ARFGEF3: variants seen among roughly 807,000 people sequenced by gnomAD.
ARFGEF3 encodes brefeldin A-inhibited guanine nucleotide-exchange protein 3.
A neutral mutation model predicts 221.7 loss-of-function variants in ARFGEF3; 96 were observed. The observed-to-expected ratio is 0.43, with a 90% confidence interval of 0.37 to 0.51. ARFGEF3 has a LOEUF of 0.51. Among genes scored for constraint, ARFGEF3 ranks in the 20% least tolerant of loss-of-function variants. The pLI, the probability that ARFGEF3 is intolerant of heterozygous loss-of-function variation, is 0.00. For missense variants in ARFGEF3, 2,410 were observed against 2,789.9 expected (o/e 0.86, Z 3.07); for synonymous variants, 1,145 against 1,126.8 (o/e 1.02, Z -0.32).
chr6:138,192,850 T>C (rs1777334633), intron 2 of ARFGEF3, among the ~76,000 whole-genome samples: 1 of 152,216 alleles, frequency 6.6e-6, no homozygotes, highest in African/African-American at 2.4e-5. Flanking sequence ...GGTGAAATGC[T>C]TAGCACACAG....
In ARFGEF3 at chr6:138,340,343, A is replaced by G. The variant is rs1780407563; in HGVS notation, c.*3857A>G. The G allele has an allele frequency of 6.6e-6, 1 of 152,258 alleles. No homozygotes were observed. The highest frequency in any genetic ancestry group is 6.5e-5 in the Admixed American group (1 of 15,286). The allele number at this position is 152,258 out of a possible 1,614,324, so 9.4% of individuals were successfully genotyped here. A position where few individuals can be genotyped will look rare whatever the true frequency, so the allele number is the denominator to read the frequency against. ...TTAGGCTTTTTGTCCTTGTTGTTTT[A>G]AAATGAGGCTTATACAGAGTGAGTT... On this transcript the variant is annotated 3_prime_UTR_variant, in exon 34 of 34. Transcript: ENST00000251691.
At chr6:138,230,060 C>G (rs951487709) in intron 5 of ARFGEF3, among the ~76,000 whole-genome samples, 1 of 152,118 alleles carries the variant, frequency 6.6e-6, no homozygotes, top group African/African-American at 2.4e-5. Flanking sequence ...CAGAGCCCTG[C>G]ATGCTTACGT....
chr6:138,241,840 A>G (rs1444207055), intron 6 of ARFGEF3, among the ~76,000 whole-genome samples: 4 of 152,242 alleles, frequency 2.6e-5, no homozygotes, highest in African/African-American at 9.6e-5. Flanking sequence ...CACAAATCCT[A>G]CATATTATCC....
chr6:138,279,344 C>T (rs946878452), intron 13 of ARFGEF3, among the ~76,000 whole-genome samples: 2 of 152,176 alleles, frequency 1.3e-5, no homozygotes, highest in African/African-American at 4.8e-5. Flanking sequence ...AAAAACTCTT[C>T]ACCGTATTCC....
At chr6:138,286,967 G>A (rs1779309023) in intron 16 of ARFGEF3, 51 bp downstream of exon 16, 4 of 1,599,200 alleles carry the variant, frequency 2.5e-6, no homozygotes, top group Admixed American at 1.7e-5. Context: ...AACTCACTGG[G>A]AATGACCCAG....
intron 2 of ARFGEF3, among the ~76,000 whole-genome samples, chr6:138,187,016 A>G (rs1474425283): frequency 6.9e-6 from 1 of 145,392 alleles, no homozygotes; most frequent in African/African-American, 2.6e-5. Flanking sequence ...CCTGGGTTCA[A>G]GAGATTCTCC....
intron 12 of ARFGEF3, among the ~76,000 whole-genome samples, chr6:138,266,722 G>A (rs375670179): frequency 6.6e-6 from 1 of 151,544 alleles, no homozygotes; most frequent in Non-Finnish European, 1.5e-5. Flanking sequence ...GGTGGCAGGC[G>A]CCTGTAGTCC....
chr6:138,298,030 A>G (rs965652483), intron 21 of ARFGEF3, among the ~76,000 whole-genome samples: 3 of 152,224 alleles, frequency 2.0e-5, no homozygotes, highest in Admixed American at 2.0e-4. Context: ...CAACAGGGCA[A>G]ACCCCAAATC....
chr6:138,217,252 A>G lies in ARFGEF3; in HGVS notation c.351+7211A>G, dbSNP rs537134724. The G allele has an allele frequency of 2.6e-5, 4 of 152,342 alleles. No homozygotes were observed. In the East Asian group the frequency reaches 7.7e-4, roughly 29 times the overall value. The allele number at this position is 152,342 out of a possible 1,614,324, so 9.4% of individuals were successfully genotyped here. A position where few individuals can be genotyped will look rare whatever the true frequency, so the allele number is the denominator to read the frequency against. The stretch of plus-strand genomic sequence containing the variant: ...TCTCACATAATCTTAATTTAAGCGC[A>G]TATAAATGCAGAGGCCCTCATCACT... On this transcript the variant is annotated intron_variant, in intron 4 of 33. Transcript: ENST00000251691.
intron 4 of ARFGEF3, among the ~76,000 whole-genome samples, chr6:138,212,579 A>T (rs1449260902): frequency 1.3e-5 from 2 of 152,212 alleles, no homozygotes; most frequent in African/African-American, 4.8e-5. Flanking sequence ...ATGCACACAT[A>T]TGTTTATTGC....
In ARFGEF3 at chr6:138,338,701, G is replaced by A. The variant is rs772235026; in HGVS notation, c.*2215G>A. The A allele has an allele frequency of 2.6e-5, 4 of 151,568 alleles. No homozygotes were observed. The highest frequency in any genetic ancestry group is 5.9e-5 in the Non-Finnish European group (4 of 68,026). 9.4% of individuals were successfully genotyped at this position (151,568 alleles called of 1,614,324 possible). ...TGTAATCCCAGCTACTTAGGAGGCC[G>A]AGACAGGAGAATCGCTCGAACCCAG... is the stretch of plus-strand genomic sequence containing the variant. On this transcript the variant is annotated 3_prime_UTR_variant, in exon 34 of 34. Coordinates refer to ENST00000251691, the MANE Select transcript of ARFGEF3 (RefSeq NM_020340.5).
At chr6:138,225,822 A>G (rs1562360042) in intron 4 of ARFGEF3, among the ~76,000 whole-genome samples, 1 of 152,306 alleles carries the variant, frequency 6.6e-6, no homozygotes, top group South Asian at 2.1e-4. Context: ...CTAATCATCT[A>G]TGTTGGAATA....
chr6:138,301,025 A>T (rs954822754), intron 22 of ARFGEF3, among the ~76,000 whole-genome samples: 2 of 152,252 alleles, frequency 1.3e-5, no homozygotes, highest in African/African-American at 4.8e-5. Flanking sequence ...TGAAAACAAA[A>T]GTTTAAAAAA....
Position 138,162,125 on chromosome 6 carries a change from C to T in ARFGEF3, c.39C>T (p.Ser13=). The T allele has an allele frequency of 6.2e-7, 1 of 1,605,338 alleles. No homozygotes were observed. Among genetic ancestry groups the T allele is most frequent in the Non-Finnish European group, 8.5e-7 (1 of 1,175,620 alleles). The change falls in exon 1 of 34, where the codon TCC becomes TCT. Residue 13 remains serine, a synonymous_variant. Transcript: ENST00000251691. This position sits in a 1 kb window ranked among gnomAD's most constrained non-coding sequence, Gnocchi z 4.7. The stretch of plus-strand genomic sequence containing the variant: ...TGAGGAAGCTGCAGAAGGAGGCGTC[C>T]GGGAGCAAGTACAAAGCCATCAAGG... The part of the protein sequence containing the change: ...EILRKLQKEA[S]GSKYKAIKES...
chr6:138,179,460 C>CT lies in ARFGEF3; in HGVS notation c.137+8757dup, dbSNP rs138552195. 1.8e-3 allele frequency among the ~76,000 whole-genome samples: 265 copies of CT among 150,308 alleles called. 2 individuals are homozygous for CT. Among genetic ancestry groups the CT allele is most frequent in the African/African-American group, 5.4e-3 (222 of 41,016 alleles). On this transcript the variant is annotated intron_variant, in intron 2 of 33. Coordinates refer to ENST00000251691, the MANE Select transcript of ARFGEF3 (RefSeq NM_020340.5). The stretch of plus-strand genomic sequence containing the variant: ...GTACTTTCCAAAAAGATTCTAACAG[C>CT]TTTTTTTTTTCCCATTTGTCTTTGT...
intron 2 of ARFGEF3, among the ~76,000 whole-genome samples, chr6:138,187,929 G>T (rs541061606): frequency 6.6e-6 from 1 of 152,118 alleles, no homozygotes; most frequent in Non-Finnish European, 1.5e-5. Context: ...ATTATACTAG[G>T]ATAGGAAATG....
At position 138,307,351 on chromosome 6, in the gene ARFGEF3, G is replaced by A. The variant is rs1779745338; in HGVS notation, c.3927G>A (p.Gly1309=). ...LFSALETVHG[G]NKSEMKEYLV... is the part of the protein sequence containing the mutation. ...GTGCCCTGGAAACAGTGCATGGCGGGAACAAGTCAGAGATGAAGGAGTACC... is the reference window on the plus strand; with the variant it reads ...GTGCCCTGGAAACAGTGCATGGCGGAAACAAGTCAGAGATGAAGGAGTACC... Residue 1309 remains glycine (G), a synonymous_variant, in exon 23 of 34, where the codon GGG becomes GGA. Transcript: ENST00000251691. The A allele has an allele frequency of 1.2e-6, 2 of 1,613,938 alleles. No individual in the cohort carries two copies. Among genetic ancestry groups the A allele is most frequent in the Non-Finnish European group, 1.7e-6 (2 of 1,179,864 alleles).
At chr6:138,269,337 A>T (rs1412758364) in intron 12 of ARFGEF3, among the ~76,000 whole-genome samples, 1 of 152,260 alleles carries the variant, frequency 6.6e-6, no homozygotes, top group African/African-American at 2.4e-5. Context: ...TTATGCCGTT[A>T]CCAGCCTCAG....
At chr6:138,299,198 T>TAAAAAAAA (rs60475752) in intron 22 of ARFGEF3, among the ~76,000 whole-genome samples, 38 of 39,434 alleles carry the variant, frequency 9.6e-4, no homozygotes, top group African/African-American at 1.7e-3. Flanking sequence ...CGAGACTCTG[T>TAAAAAAAA]AAAAAAAAAA....
Sources: allele counts gnomAD v4.1 joint callset (sites outside exome capture counted in the v4.1 genomes callset), GRCh38; gene constraint gnomAD v4.1.1; non-coding constraint Gnocchi (gnomAD v3.1); transcripts MANE v1.5; gene names NCBI Gene and HGNC (gene_info 2026-07-23, HGNC 2026-07-21).